Variants in CCDC85C observed in about 807,000 individuals in gnomAD.
CCDC85C encodes coiled-coil domain-containing protein 85C.
CCDC85C carries 18 observed loss-of-function variants against 38.3 expected under a neutral mutation model. The observed-to-expected ratio is 0.47, with a 90% CI of 0.33 to 0.70. The LOEUF (loss-of-function observed/expected upper bound fraction) is 0.70, where lower values mean the gene tolerates loss of function less well. Ranked by LOEUF, CCDC85C falls within the 30% of genes least tolerant of loss-of-function variation. The pLI is 0.03. For synonymous variants in CCDC85C, 264 were observed against 293.8 expected (o/e 0.90, Z 1.04); for missense variants, 566 against 621.2 (o/e 0.91, Z 0.94).
At chr14:99,515,391 T>C (rs1052827338) in intron 5 of CCDC85C, 56 bp from the exon 6 acceptor site, 8 of 1,315,432 alleles carry the variant, frequency 6.1e-6, no homozygotes, top group Middle Eastern at 1.8e-4. Context: ...ACCTGCCGCC[T>C]ATGCACATCC....
chr14:99,593,504 G>C (rs557466948), intron 1 of CCDC85C, among the ~76,000 whole-genome samples: 1 of 152,334 alleles, frequency 6.6e-6, no homozygotes, highest in African/African-American at 2.4e-5. Flanking sequence ...GAGCTCCTGG[G>C]GCAGGGAGGT....
chr14:99,546,516 T>C (rs1313548374), intron 1 of CCDC85C, among the ~76,000 whole-genome samples: 1 of 151,910 alleles, frequency 6.6e-6, no homozygotes, highest in South Asian at 2.1e-4. Context: ...CTCTGGGCGG[T>C]TCCATCTGGC....
In CCDC85C at chr14:99,502,121, ATGGT is replaced by A. The variant is rs1370567347; in HGVS notation, c.*13121_*13124del. Reference sequence around the variant, plus strand: ...AATTTAGGGGAGAATAAGCAAATTAATGGTTAGTTATGGCATCTCCATGCACTGG... The same window carrying A: ...AATTTAGGGGAGAATAAGCAAATTAATAGTTATGGCATCTCCATGCACTGG... On this transcript the variant is annotated 3_prime_UTR_variant, in exon 6 of 6. Coordinates refer to ENST00000380243, the MANE Select transcript of CCDC85C (RefSeq NM_001144995.2). 1.5e-6 allele frequency: 2 copies of A among 1,365,418 alleles called. No individual in the cohort carries two copies. The highest frequency in any genetic ancestry group is 5.2e-5 in the East Asian group (2 of 38,302). The allele number at this position is 1,365,418 out of a possible 1,614,324, so 84.6% of individuals were successfully genotyped here. A position where few individuals can be genotyped will look rare whatever the true frequency, so the allele number is the denominator to read the frequency against.
rs1897783380 is a variant in CCDC85C, at chr14:99,545,135, G to A, written c.794-9047C>T. ...AGCCTTCCCCAGTGAGTGCACGCCT[G>A]TCCTCTCAGTGTCATCTGTCCCCTC... is the stretch of plus-strand genomic sequence containing the variant. On this transcript the variant is annotated intron_variant, in intron 1 of 5. Transcript: ENST00000380243. This position sits in a 1 kb window ranked among gnomAD's most constrained non-coding sequence, Gnocchi z 4.7. Among the ~76,000 whole-genome samples the A allele has an allele frequency of 6.6e-6, 1 of 152,176 alleles. No individual in the cohort carries two copies. The highest frequency in any genetic ancestry group is 2.4e-5 in the African/African-American group (1 of 41,438).
At position 99,508,409 on chromosome 14, in the gene CCDC85C, T is replaced by G. The variant is rs1243692332; in HGVS notation, c.*6837A>C. On this transcript the variant is annotated 3_prime_UTR_variant, in exon 6 of 6. Transcript: ENST00000380243. ...GTGCTGCTACCTCCAGGGCACTGAG[T>G]AGCTGCTGTGGAGGCCTCAGAGCTC... The G allele has an allele frequency of 6.6e-6, 1 of 152,284 alleles. No individual in the cohort carries two copies. Among genetic ancestry groups the G allele is most frequent in the Admixed American group, 6.5e-5 (1 of 15,290 alleles). 9.4% of individuals were successfully genotyped at this position (152,284 alleles called of 1,614,324 possible). A position where few individuals can be genotyped will look rare whatever the true frequency, so the allele number is the denominator to read the frequency against.
chr14:99,529,989 AG>A (rs1897461515), intron 2 of CCDC85C, among the ~76,000 whole-genome samples: 1 of 152,182 alleles, frequency 6.6e-6, no homozygotes, highest in Non-Finnish European at 1.5e-5. Context: ...GGGGAAACTG[AG>A]GTGCAGAGAG....
intron 1 of CCDC85C, among the ~76,000 whole-genome samples, chr14:99,537,958 A>T (rs1897637183): frequency 1.3e-5 from 2 of 152,200 alleles, no homozygotes; most frequent in African/African-American, 4.8e-5. Context: ...CTGGAACACC[A>T]GCTGGGAAGC....
At position 99,518,015 on chromosome 14, in the gene CCDC85C, G is replaced by A. The variant is rs1049409914; in HGVS notation, c.976-832C>T. Among the ~76,000 whole-genome samples, 7 of 152,244 alleles carry A rather than the reference G, an allele frequency of 4.6e-5. No individual in the cohort carries two copies. The East Asian group carries it at 1.4e-3, about 29-fold the overall frequency. On this transcript the variant is annotated intron_variant, in intron 3 of 5. Coordinates refer to ENST00000380243, the MANE Select transcript of CCDC85C (RefSeq NM_001144995.2). ...AAGCGGGGTTTCCAGGACATCTTCG[G>A]GGCTCCCACCTCTGGCAATCCTTGG... is the stretch of plus-strand genomic sequence containing the variant.
chr14:99,596,459 A>G (rs2055144045), intron 1 of CCDC85C, among the ~76,000 whole-genome samples: 2 of 151,508 alleles, frequency 1.3e-5, no homozygotes, highest in South Asian at 2.1e-4. Flanking sequence ...AGGCAAACCC[A>G]AGAACACTTA....
At chr14:99,580,039 G>A in intron 1 of CCDC85C, 1 of 455,606 alleles carries the variant, frequency 2.2e-6, no homozygotes, top group Middle Eastern at 3.3e-4. Flanking sequence ...GAGTCACATG[G>A]GCAGGGCTGG....
At chr14:99,597,775 T>C (rs901713660) in intron 1 of CCDC85C, among the ~76,000 whole-genome samples, 6 of 152,108 alleles carry the variant, frequency 3.9e-5, no homozygotes, top group South Asian at 2.1e-4. Context: ...GCTCCCTCCA[T>C]TCAACTAGAT....
intron 2 of CCDC85C, among the ~76,000 whole-genome samples, chr14:99,531,810 G>A (rs113922449): frequency 4.9e-4 from 74 of 152,296 alleles, no homozygotes; most frequent in African/African-American, 1.6e-3. Flanking sequence ...TCACGAGCCA[G>A]AGTCCATGAG....
At position 99,510,210 on chromosome 14, in the gene CCDC85C, G is replaced by A. The variant is rs1897087185; in HGVS notation, c.*5036C>T. ...AGGTGAGGCTGAGCCGCCGGGCCCT[G>A]TGGATGCCACTGACCTCCCCAAAGT... On this transcript the variant is annotated 3_prime_UTR_variant, in exon 6 of 6. Coordinates refer to ENST00000380243, the MANE Select transcript of CCDC85C (RefSeq NM_001144995.2). 1.9e-6 allele frequency: 3 copies of A among 1,597,580 alleles called. No homozygotes were observed. Among genetic ancestry groups the A allele is most frequent in the African/African-American group, 2.7e-5 (2 of 74,628 alleles).
At chr14:99,563,573 C>T (rs1463357908) in intron 1 of CCDC85C, among the ~76,000 whole-genome samples, 1 of 152,250 alleles carries the variant, frequency 6.6e-6, no homozygotes, top group Non-Finnish European at 1.5e-5. Flanking sequence ...ATAAGGTGGT[C>T]ACTCTGCATC....
intron 2 of CCDC85C, among the ~76,000 whole-genome samples, chr14:99,531,283 G>A (rs1186687279): frequency 1.3e-5 from 2 of 152,122 alleles, no homozygotes; most frequent in East Asian, 3.9e-4. Flanking sequence ...TTGTAAAGCT[G>A]GCTTTTTTGG....
intron 1 of CCDC85C, among the ~76,000 whole-genome samples, chr14:99,540,308 G>A (rs963180914): frequency 2.0e-5 from 3 of 152,128 alleles, no homozygotes; most frequent in South Asian, 2.1e-4. Context: ...TGAGCCGGGC[G>A]TCAGTCACCC....
At chr14:99,586,601 G>A (rs1218205848) in intron 1 of CCDC85C, among the ~76,000 whole-genome samples, 1 of 152,164 alleles carries the variant, frequency 6.6e-6, no homozygotes, top group East Asian at 1.9e-4. Flanking sequence ...GCAGCCCCGA[G>A]GGTTCCTCCT....
intron 1 of CCDC85C, among the ~76,000 whole-genome samples, chr14:99,568,246 C>CATTTT (rs1898258088): frequency 4.4e-5 from 5 of 114,500 alleles, no homozygotes; most frequent in Admixed American, 1.0e-4. Flanking sequence ...GCCACCTGCC[C>CATTTT]TTTATTTTTT....
chr14:99,503,690 C>T lies in CCDC85C; in HGVS notation c.*11556G>A. On this transcript the variant is annotated 3_prime_UTR_variant, in exon 6 of 6. Coordinates refer to ENST00000380243, the MANE Select transcript of CCDC85C (RefSeq NM_001144995.2). ...TTTTTTAGTTTTATGTGTTTATATG[C>T]AAAACTTTAAATTCTTAGCCAACAT... The T allele has an allele frequency of 1.4e-6, 2 of 1,464,466 alleles. No individual in the cohort carries two copies. The highest frequency in any genetic ancestry group is 1.9e-6 in the Non-Finnish European group (2 of 1,074,562). 90.7% of individuals were successfully genotyped at this position (1,464,466 alleles called of 1,614,324 possible). A position where few individuals can be genotyped will look rare whatever the true frequency, so the allele number is the denominator to read the frequency against.
Sources: allele counts gnomAD v4.1 joint callset (sites outside exome capture counted in the v4.1 genomes callset), GRCh38; gene constraint gnomAD v4.1.1; non-coding constraint Gnocchi (gnomAD v3.1); transcripts MANE v1.5; gene names NCBI Gene and HGNC (gene_info 2026-07-23, HGNC 2026-07-21).